Variants in KAZN observed in about 807,000 individuals in gnomAD.
The protein encoded by KAZN is kazrin, periplakin interacting protein.
A neutral mutation model predicts 87.4 loss-of-function variants in KAZN; 40 were observed. The ratio of observed to expected loss-of-function variants is 0.46; its 90% confidence interval spans 0.36 to 0.60. The LOEUF is 0.60. KAZN is among the 20% of genes least tolerant of loss of function. The pLI is 0.00. For missense variants in KAZN, 898 were observed against 1,073.9 expected (o/e 0.84, Z 2.29); for synonymous variants, 466 against 458.3 (o/e 1.02, Z -0.22).
At chr1:14,316,753 T>A (rs999360799) in intron 2 of KAZN, among the ~76,000 whole-genome samples, 2 of 152,018 alleles carry the variant, frequency 1.3e-5, no homozygotes, top group Non-Finnish European at 2.9e-5. Flanking sequence ...GTTCAAAATA[T>A]TTCTCTAATT....
intron 1 of KAZN, among the ~76,000 whole-genome samples, chr1:13,919,490 T>G (rs1479364589): frequency 6.6e-6 from 1 of 152,248 alleles, no homozygotes; most frequent in Non-Finnish European, 1.5e-5. Context: ...GGGACCATTA[T>G]GAAAAGTACA....
intron 2 of KAZN, among the ~76,000 whole-genome samples, chr1:14,414,961 A>C (rs915488042): frequency 6.6e-6 from 1 of 152,064 alleles, no homozygotes; most frequent in South Asian, 2.1e-4. Context: ...AGGAGGTAGA[A>C]GTTGTAGTGA....
At chr1:14,899,275 G>A (rs1453135941) in intron 1 of KAZN, among the ~76,000 whole-genome samples, 1 of 152,178 alleles carries the variant, frequency 6.6e-6, no homozygotes, top group East Asian at 1.9e-4. Flanking sequence ...TTGGGGCATG[G>A]CCACACCCAG....
intron 1 of KAZN, among the ~76,000 whole-genome samples, chr1:14,734,131 G>A (rs916523716): frequency 5.9e-5 from 9 of 152,036 alleles, no homozygotes; most frequent in Admixed American, 1.3e-4. Context: ...CTAAGCCCTC[G>A]AGCCTGCCCC....
At chr1:14,276,429 G>A (rs1408132028) in intron 2 of KAZN, among the ~76,000 whole-genome samples, 2 of 152,126 alleles carry the variant, frequency 1.3e-5, no homozygotes, top group East Asian at 3.9e-4. Flanking sequence ...AAACAAGGGA[G>A]CAGAGGGGGC....
intron 4 of KAZN, among the ~76,000 whole-genome samples, chr1:15,048,830 G>C (rs1573182599): frequency 6.7e-6 from 1 of 148,786 alleles, no homozygotes; most frequent in Non-Finnish European, 1.5e-5. Flanking sequence ...TGTTGGTGCT[G>C]GGTCGTTGGT....
At chr1:14,434,081 A>G (rs1355259999) in intron 2 of KAZN, among the ~76,000 whole-genome samples, 15 of 152,170 alleles carry the variant, frequency 9.9e-5, no homozygotes, top group Admixed American at 9.8e-4. Context: ...GGTGCATGGT[A>G]TTTTGTTGTG....
intron 2 of KAZN, among the ~76,000 whole-genome samples, chr1:14,358,552 TG>T (rs1377574031): frequency 5.9e-5 from 9 of 152,230 alleles, no homozygotes. Flanking sequence ...CTTTCTCTTG[TG>T]GGCATTTAGT....
chr1:15,084,294 A>G (rs548856881), intron 8 of KAZN, among the ~76,000 whole-genome samples: 5 of 152,238 alleles, frequency 3.3e-5, no homozygotes, highest in African/African-American at 9.6e-5. Flanking sequence ...TGGACAGGCC[A>G]TGCACAGCAG....
chr1:14,134,948 A>AGCAT (rs1245626677), intron 1 of KAZN, among the ~76,000 whole-genome samples: 3 of 150,730 alleles, frequency 2.0e-5, no homozygotes, highest in African/African-American at 7.3e-5. Context: ...GCCTCTCACA[A>AGCAT]GCATGCATGC....
chr1:14,419,752 C>T (rs1047005484), intron 2 of KAZN, among the ~76,000 whole-genome samples: 2 of 151,970 alleles, frequency 1.3e-5, no homozygotes, highest in South Asian at 2.1e-4. Context: ...ACTCTTAAGG[C>T]GGTGCGTCTG....
At chr1:14,658,792 T>A (rs1436689594) in intron 1 of KAZN, among the ~76,000 whole-genome samples, 1 of 152,132 alleles carries the variant, frequency 6.6e-6, no homozygotes, top group South Asian at 2.1e-4. Flanking sequence ...ATGTGAAGCC[T>A]CCAGTGTCTT....
intron 2 of KAZN, among the ~76,000 whole-genome samples, chr1:14,220,643 A>G (rs963849390): frequency 1.1e-4 from 16 of 152,188 alleles, no homozygotes; most frequent in African/African-American, 3.9e-4. Flanking sequence ...CCAGACCAGT[A>G]CCAGGCACTT....
chr1:14,839,702 G>A (rs927641594), intron 1 of KAZN, among the ~76,000 whole-genome samples: 1 of 152,084 alleles, frequency 6.6e-6, no homozygotes, highest in African/African-American at 2.4e-5. Flanking sequence ...CAGCTAGATT[G>A]TATCTTTAAG....
chr1:14,157,945 C>T (rs1003362197), intron 1 of KAZN, among the ~76,000 whole-genome samples: 1 of 152,108 alleles, frequency 6.6e-6, no homozygotes, highest in Admixed American at 6.5e-5. Flanking sequence ...AACTCACTCA[C>T]TATCATGAGA....
rs74890077 is a variant in KAZN at position 14,394,140 on chromosome 1, G to C, written c.250-204843G>C. Among the ~76,000 whole-genome samples the C allele has an allele frequency of 4.3e-3, 648 of 152,364 alleles. 11 individuals are homozygous for C. Among genetic ancestry groups the C allele is most frequent in the African/African-American group, 0.015 (627 of 41,590 alleles). ...GGACCCCCCCACACACATGCCAGCA[G>C]TACAAAGGTGGGCTTGGTTAGTGCG... On this transcript the variant is annotated intron_variant, in intron 2 of 16. Coordinates refer to the KAZN transcript ENST00000636203.
At chr1:15,026,225 G>A (rs1227075428) in intron 2 of KAZN, among the ~76,000 whole-genome samples, 3 of 152,094 alleles carry the variant, frequency 2.0e-5, no homozygotes, top group African/African-American at 7.2e-5. Flanking sequence ...TGGGAGCCAC[G>A]GGGAGCTGGA....
Position 14,598,816 on chromosome 1 carries a change from G to T in KAZN, c.-182G>T. 7.3e-7 allele frequency: 1 copy of T among 1,373,642 alleles called. No homozygotes were observed. Among genetic ancestry groups the T allele is most frequent in the Non-Finnish European group, 9.4e-7 (1 of 1,069,086 alleles). 85.1% of individuals were successfully genotyped at this position (1,373,642 alleles called of 1,614,324 possible). On this transcript the variant is annotated 5_prime_UTR_variant, in exon 1 of 15. Coordinates refer to ENST00000376030, the MANE Select transcript of KAZN (RefSeq NM_201628.3). This position sits in a 1 kb window ranked among gnomAD's most constrained non-coding sequence, Gnocchi z 4.2. ...CTCGCCACCGCCGCGGCTAGGGCTG[G>T]AGGCGCCGCTGTCATTCCTGTGCCG... is the stretch of plus-strand genomic sequence containing the variant.
At chr1:14,108,885 C>G (rs1181743970) in intron 1 of KAZN, among the ~76,000 whole-genome samples, 1 of 152,184 alleles carries the variant, frequency 6.6e-6, no homozygotes, top group African/African-American at 2.4e-5. Flanking sequence ...TGTGCCAACC[C>G]CAACATATTT....
Sources: allele counts gnomAD v4.1 joint callset (sites outside exome capture counted in the v4.1 genomes callset), GRCh38; gene constraint gnomAD v4.1.1; non-coding constraint Gnocchi (gnomAD v3.1); transcripts MANE v1.5; gene names NCBI Gene and HGNC (gene_info 2026-07-23, HGNC 2026-07-21).